NCEH1: variants seen among roughly 807,000 people sequenced by gnomAD.
NCEH1 encodes the protein 2-acetyl MAGE hydrolase.
In NCEH1, 9 loss-of-function variants were observed where a neutral mutation model predicts 25.4. That is an observed-to-expected ratio of 0.35 (90% CI 0.21 to 0.62). NCEH1 has a LOEUF of 0.62. Among genes scored for constraint, NCEH1 ranks in the 20% least tolerant of loss-of-function variants. NCEH1 has a pLI of 0.72. For missense variants in NCEH1, 412 were observed against 501.1 expected (o/e 0.82, Z 1.70); for synonymous variants, 200 against 199.8 (o/e 1.00, Z -0.01).
intron 1 of NCEH1, among the ~76,000 whole-genome samples, chr3:172,675,318 TAAA>T (rs1560197017): frequency 6.0e-5 from 9 of 149,944 alleles, no homozygotes; most frequent in South Asian, 2.1e-4. Context: ...AATAAATAAA[TAAA>T]TAAATAAATA....
At chr3:172,671,250 C>T (rs1440338124) in intron 1 of NCEH1, among the ~76,000 whole-genome samples, 2 of 152,084 alleles carry the variant, frequency 1.3e-5, no homozygotes, top group Admixed American at 6.6e-5. Context: ...AGTAGGATTT[C>T]GTTAACTCAA....
At chr3:172,681,933 C>T (rs1167967552) in intron 1 of NCEH1, among the ~76,000 whole-genome samples, 1 of 151,722 alleles carries the variant, frequency 6.6e-6, no homozygotes, top group Admixed American at 6.6e-5. Flanking sequence ...CTGAACAACA[C>T]TCCTTTTTCA....
rs1200625132 is a variant in NCEH1, at chr3:172,668,348, A to ATTTTTTTTT, written c.139-20243_139-20235dup. 7.9e-4 allele frequency among the ~76,000 whole-genome samples: 62 copies of ATTTTTTTTT among 78,976 alleles called. 8 individuals carry two copies. Among genetic ancestry groups the ATTTTTTTTT allele is most frequent in the African/African-American group, 2.8e-3 (54 of 19,378 alleles). The allele number at this position is 78,976 out of a possible 152,430, so 51.8% of individuals were successfully genotyped here. A position where few individuals can be genotyped will look rare whatever the true frequency, so the allele number is the denominator to read the frequency against. On this transcript the variant is annotated intron_variant, in intron 1 of 4. Transcript: ENST00000475381. ...TCAGGAAACAAATGGAAAAGGAAGC[A>ATTTTTTTTT]TTTTTTTTTTTTTTTTTTTTTTTTT...
At chr3:172,662,526 T>C (rs1015924612) in intron 1 of NCEH1, among the ~76,000 whole-genome samples, 15 of 152,332 alleles carry the variant, frequency 9.8e-5, no homozygotes, top group South Asian at 6.2e-4. Flanking sequence ...ATTGGAATAG[T>C]TTCAGAAGGA....
chr3:172,648,836 A>T (rs550408477), intron 1 of NCEH1, among the ~76,000 whole-genome samples: 1 of 152,234 alleles, frequency 6.6e-6, no homozygotes, highest in East Asian at 1.9e-4. Context: ...GTGTTCGCAG[A>T]AAGTTATTTG....
chr3:172,655,070 T>G (rs1717627917), intron 1 of NCEH1, among the ~76,000 whole-genome samples: 1 of 152,316 alleles, frequency 6.6e-6, no homozygotes. Context: ...TGAGGTGAAT[T>G]GAGTTTTAAT....
At chr3:172,709,568 C>CA (rs758942441) in intron 1 of NCEH1, among the ~76,000 whole-genome samples, 10 of 152,072 alleles carry the variant, frequency 6.6e-5, no homozygotes, top group Non-Finnish European at 1.2e-4. Context: ...TCCTAAGAGA[C>CA]AAAAGGGGCT....
intron 1 of NCEH1, among the ~76,000 whole-genome samples, chr3:172,652,218 G>C (rs961865150): frequency 5.9e-5 from 9 of 152,356 alleles, no homozygotes; most frequent in East Asian, 5.8e-4. Flanking sequence ...AAAACAGAAT[G>C]ATTCTGTGTG....
chr3:172,667,809 A>G (rs1246294184), intron 1 of NCEH1, among the ~76,000 whole-genome samples: 3 of 152,124 alleles, frequency 2.0e-5, no homozygotes, highest in Non-Finnish European at 2.9e-5. Flanking sequence ...AAAGCAACTC[A>G]TTTTCTTTTA....
chr3:172,640,419 T>C (rs940207222), intron 3 of NCEH1, among the ~76,000 whole-genome samples: 4 of 152,320 alleles, frequency 2.6e-5, no homozygotes, highest in East Asian at 1.9e-4. Flanking sequence ...TTTATTCCAC[T>C]AACAGAAGTT....
intron 1 of NCEH1, among the ~76,000 whole-genome samples, chr3:172,653,232 A>C (rs1717497435): frequency 6.6e-6 from 1 of 152,214 alleles, no homozygotes; most frequent in Non-Finnish European, 1.5e-5. Flanking sequence ...CAGTGGAACC[A>C]GACAAAGAAA....
intron 1 of NCEH1, among the ~76,000 whole-genome samples, chr3:172,649,366 T>G (rs1007797325): frequency 6.6e-6 from 1 of 152,162 alleles, no homozygotes; most frequent in Non-Finnish European, 1.5e-5. Flanking sequence ...AATCAAACAA[T>G]GAACAGCTAT....
At chr3:172,657,493 A>G (rs748245646) in intron 1 of NCEH1, among the ~76,000 whole-genome samples, 1 of 151,956 alleles carries the variant, frequency 6.6e-6, no homozygotes, top group Non-Finnish European at 1.5e-5. Flanking sequence ...CCACCTGCCA[A>G]CGTTTTCTGA....
intron 1 of NCEH1, among the ~76,000 whole-genome samples, chr3:172,687,221 G>A (rs1370841432): frequency 5.9e-5 from 9 of 152,056 alleles, no homozygotes; most frequent in Non-Finnish European, 4.4e-5. Flanking sequence ...TGGCCCCTGC[G>A]TGATACTATT....
At chr3:172,682,847 T>C (rs987645424) in intron 1 of NCEH1, among the ~76,000 whole-genome samples, 1 of 152,218 alleles carries the variant, frequency 6.6e-6, no homozygotes, top group Non-Finnish European at 1.5e-5. Context: ...TGTTGTTATG[T>C]AGTTTGATCC....
chr3:172,683,917 A>G (rs1490893597), intron 1 of NCEH1, among the ~76,000 whole-genome samples: 1 of 152,244 alleles, frequency 6.6e-6, no homozygotes, highest in Non-Finnish European at 1.5e-5. Flanking sequence ...ACTTAATATT[A>G]TCAAACATTT....
chr3:172,630,348 T>C lies in NCEH1; in HGVS notation c.*3127A>G, dbSNP rs1716293387. The C allele has an allele frequency of 6.6e-6, 1 of 152,258 alleles. No homozygotes were observed. The highest frequency in any genetic ancestry group is 2.4e-5 in the African/African-American group (1 of 41,466). 9.4% of individuals were successfully genotyped at this position (152,258 alleles called of 1,614,324 possible). ...GGCTGAAACAATTCAGCTCAAACTC[T>C]TGGCATTATGATCATCCTTTTCCTA... On this transcript the variant is annotated 3_prime_UTR_variant, in exon 5 of 5. Coordinates refer to ENST00000475381, the MANE Select transcript of NCEH1 (RefSeq NM_020792.6).
rs560282750 is a variant in NCEH1, at chr3:172,651,778, C to T, written c.139-3664G>A. ...TTTGCCACATTGGCAAGGCTGTTTT[C>T]GAACTCCTGGCCTCAAGTGATCCAC... On this transcript the variant is annotated intron_variant, in intron 1 of 4. Coordinates refer to ENST00000475381, the MANE Select transcript of NCEH1 (RefSeq NM_020792.6). 3.1e-3 allele frequency among the ~76,000 whole-genome samples: 466 copies of T among 152,170 alleles called. 1 individual carries two copies. Among genetic ancestry groups the T allele is most frequent in the African/African-American group, 0.01 (420 of 41,522 alleles).
intron 1 of NCEH1, among the ~76,000 whole-genome samples, chr3:172,676,278 G>A (rs1560197595): frequency 1.3e-5 from 2 of 152,152 alleles, no homozygotes; most frequent in Admixed American, 1.3e-4. Flanking sequence ...CGCTTGAAGG[G>A]CCGGGCCAGG....
Sources: allele counts gnomAD v4.1 joint callset (sites outside exome capture counted in the v4.1 genomes callset), GRCh38; gene constraint gnomAD v4.1.1; transcripts MANE v1.5; gene names NCBI Gene and HGNC (gene_info 2026-07-23, HGNC 2026-07-21).